The following TUBB1 variants were observed in gnomAD, a reference collection of about 807,000 sequenced individuals.
The protein encoded by TUBB1 is tubulin beta-1 chain.
Under a neutral mutation model 22.6 loss-of-function variants are expected in TUBB1, and 28 were observed. The observed-to-expected ratio is 1.24, with a 90% CI of 0.92 to 1.70. The LOEUF (loss-of-function observed/expected upper bound fraction) is 1.70. TUBB1 is among the 40% of genes most tolerant of loss of function. TUBB1 has a pLI of 0.00. For missense variants in TUBB1, 577 were observed against 605.5 expected (o/e 0.95, Z 0.49); for synonymous variants, 226 against 238.0 (o/e 0.95, Z 0.46).
rs745713786 is a variant in TUBB1, at chr20:59,022,879, A to G, written c.92A>G (p.Asp31Gly). The G allele has an allele frequency of 5.1e-5, 82 of 1,614,004 alleles. No individual in the cohort carries two copies. Among genetic ancestry groups the G allele is most frequent in the Non-Finnish European group, 6.7e-5 (79 of 1,180,026 alleles). Reference sequence around the variant, plus strand: ...ATGATTGGTGAGGAACACGGGATCGACTTGGCTGGGAGCGACCGCGGGGCC... The same window carrying G: ...ATGATTGGTGAGGAACACGGGATCGGCTTGGCTGGGAGCGACCGCGGGGCC... ...WEMIGEEHGI[D>G]LAGSDRGASA... The change falls in exon 2 of 4, where the codon GAC (aspartate) becomes GGC (glycine). Residue 31 changes from aspartate (D) to glycine (G), a missense_variant. Coordinates refer to ENST00000217133, the MANE Select transcript of TUBB1 (RefSeq NM_030773.4).
rs145280665 is a variant in TUBB1 at position 59,019,535 on chromosome 20, G to A, written c.13G>A (p.Val5Ile). 2.2e-4 allele frequency: 348 copies of A among 1,614,196 alleles called. No homozygotes were observed. The African/African-American group carries it at 4.0e-3, about 19-fold the overall frequency. Residue 5 changes from valine (V) to isoleucine (I), a missense_variant, in exon 1 of 4, where the codon GTC becomes ATC. By Grantham distance (29) the Val-to-Ile change is conservative. Transcript: ENST00000217133. MREI[V>I]HIQIGQCGNQ... is the part of the protein sequence containing the mutation. ...GCTCAGAGCAAGGATGCGTGAAATT[G>A]TCCATATTCAGATTGGCCAGTGTGG...
chr20:59,023,437 C>A, intron 2 of TUBB1, 53 bp from the exon 3 acceptor site: 2 of 1,529,192 alleles, frequency 1.3e-6, no homozygotes, highest in Non-Finnish European at 1.8e-6. Flanking sequence ...TTTGATAAAA[C>A]ATTAACTTTT....
Position 59,025,093 on chromosome 20 carries a change from G to A in TUBB1, c.*310G>A, listed in dbSNP as rs1046849864. 5 of 408,924 alleles carry A rather than the reference G, an allele frequency of 1.2e-5. No homozygotes were observed. The highest frequency in any genetic ancestry group is 8.1e-5 in the African/African-American group (4 of 49,166). 25.3% of individuals were successfully genotyped at this position (408,924 alleles called of 1,614,324 possible). A position where few individuals can be genotyped will look rare whatever the true frequency, so the allele number is the denominator to read the frequency against. ...TGTTTGCCAGGCATCCAGACTACAC[G>A]TGTGGATTTGCAGGGAGCCACTGGA... On this transcript the variant is annotated 3_prime_UTR_variant, in exon 4 of 4. Transcript: ENST00000217133.
rs143819330 is a variant in TUBB1 at position 59,023,911 on chromosome 20, C to T, written c.484C>T (p.Arg162Trp). The T allele has an allele frequency of 7.2e-5, 116 of 1,614,056 alleles. No homozygotes were observed. Among genetic ancestry groups the T allele is most frequent in the South Asian group, 1.1e-4 (10 of 91,078 alleles). Residue 162 changes from arginine (R) to tryptophan (W), a missense_variant, in exon 4 of 4, where the codon CGG becomes TGG. Transcript: ENST00000217133. ...MNKIREEYPD[R>W]IMNSFSVMPS... ...CAAGATTAGAGAGGAGTACCCGGAC[C>T]GGATCATGAATTCCTTCAGCGTCAT...
At chr20:59,018,394 C>T (rs528038766), upstream of TUBB1, among the ~76,000 whole-genome samples, 4 of 152,056 alleles carry the variant, frequency 2.6e-5, no homozygotes, top group Non-Finnish European at 5.9e-5. Flanking sequence ...CACTCCTGTA[C>T]ACCGCATGAG....
At position 59,025,100 on chromosome 20, in the gene TUBB1, T is replaced by A; in HGVS notation, c.*317T>A. Reference sequence around the variant, plus strand: ...CAGGCATCCAGACTACACGTGTGGATTTGCAGGGAGCCACTGGAGTTGGTG... The same window carrying A: ...CAGGCATCCAGACTACACGTGTGGAATTGCAGGGAGCCACTGGAGTTGGTG... On this transcript the variant is annotated 3_prime_UTR_variant, in exon 4 of 4. Transcript: ENST00000217133. The A allele has an allele frequency of 2.5e-6, 1 of 399,398 alleles. No homozygotes were observed. Among genetic ancestry groups the A allele is most frequent in the Non-Finnish European group, 4.7e-6 (1 of 211,276 alleles). The allele number at this position is 399,398 out of a possible 1,614,324, so 24.7% of individuals were successfully genotyped here.
chr20:59,024,325 A>G lies in TUBB1; in HGVS notation c.898A>G (p.Met300Val). The G allele has an allele frequency of 6.2e-7, 1 of 1,613,752 alleles. No homozygotes were observed. The highest frequency in any genetic ancestry group is 8.5e-7 in the Non-Finnish European group (1 of 1,179,776). The change falls in exon 4 of 4, where the codon ATG (methionine) becomes GTG (valine). Residue 300 changes from methionine (M) to valine (V), a missense_variant. Physicochemically the swap from Met to Val is conservative, Grantham distance 21. Coordinates refer to ENST00000217133, the MANE Select transcript of TUBB1 (RefSeq NM_030773.4). The surrounding 1 kb of genome is among the most constrained non-coding windows in gnomAD (Gnocchi z 4.9). ...TQQMFDARNT[M>V]AACDLRRGRY... ...GCAGATGTTCGATGCCCGCAATACC[A>G]TGGCTGCCTGTGACCTCCGCCGTGG... is the stretch of plus-strand genomic sequence containing the variant.
In TUBB1 at chr20:59,025,429, C is replaced by A. The variant is rs2091989453; in HGVS notation, c.*646C>A. On this transcript the variant is annotated 3_prime_UTR_variant, in exon 4 of 4. Coordinates refer to ENST00000217133, the MANE Select transcript of TUBB1 (RefSeq NM_030773.4). Reference sequence around the variant, plus strand: ...AGCCACAGTCCTCTCCACAAAAATACCTGGTCCAAACAAGAAAAACAAAAA... The same window carrying A: ...AGCCACAGTCCTCTCCACAAAAATAACTGGTCCAAACAAGAAAAACAAAAA... The A allele has an allele frequency of 6.5e-6, 1 of 153,220 alleles. No homozygotes were observed. The highest frequency in any genetic ancestry group is 2.4e-5 in the African/African-American group (1 of 41,452). 9.5% of individuals were successfully genotyped at this position (153,220 alleles called of 1,614,324 possible).
At chr20:59,023,040 C>CA in intron 2 of TUBB1, 87 bp downstream of exon 2, 3 of 1,234,732 alleles carry the variant, frequency 2.4e-6, no homozygotes, top group Non-Finnish European at 3.5e-6. Flanking sequence ...ATGGAAATGT[C>CA]AAAGCAGTGA....
intron 1 of TUBB1, among the ~76,000 whole-genome samples, chr20:59,020,169 G>A (rs555046216): frequency 6.6e-6 from 1 of 152,138 alleles, no homozygotes; most frequent in Admixed American, 6.5e-5. Flanking sequence ...GTAGGCCACC[G>A]TGCCTGGCAC....
upstream of TUBB1, among the ~76,000 whole-genome samples, chr20:59,016,476 G>C (rs569195618): frequency 4.6e-5 from 7 of 152,352 alleles, no homozygotes; most frequent in South Asian, 1.5e-3. Flanking sequence ...CCCAGGAGAG[G>C]AAGTGTCTCT....
Position 59,019,583 on chromosome 20 carries a change from A to T in TUBB1, c.57+4A>T. The T allele has an allele frequency of 1.9e-6, 3 of 1,614,208 alleles. No individual in the cohort carries two copies. Among genetic ancestry groups the T allele is most frequent in the Non-Finnish European group, 2.5e-6 (3 of 1,180,004 alleles). On this transcript the variant is annotated splice_donor_region_variant and intron_variant, in intron 1 of 3. Coordinates refer to ENST00000217133, the MANE Select transcript of TUBB1 (RefSeq NM_030773.4). ...TGGCAACCAGATCGGAGCCAAGGTA[A>T]GTAATGTCTGGTTACTAATCCTAGC...
At position 59,024,099 on chromosome 20, in the gene TUBB1, T is replaced by A. The variant is rs1432213465; in HGVS notation, c.672T>A (p.Asp224Glu). The change falls in exon 4 of 4, where the codon GAT becomes GAA. Residue 224 changes from aspartate (D) to glutamate (E), a missense_variant. Asp to Glu is a conservative substitution (Grantham distance 45, BLOSUM62 2). Coordinates refer to ENST00000217133, the MANE Select transcript of TUBB1 (RefSeq NM_030773.4). This position sits in a 1 kb window ranked among gnomAD's most constrained non-coding sequence, Gnocchi z 4.9. ...AGCTGACGACACCCACCTATGGGGATCTCAACCACCTAGTGTCCTTGACCA... is the reference window on the plus strand; with the variant it reads ...AGCTGACGACACCCACCTATGGGGAACTCAACCACCTAGTGTCCTTGACCA... ...TLKLTTPTYGDLNHLVSLTMS... is the reference protein window; with the variant it reads ...TLKLTTPTYGELNHLVSLTMS... 6.2e-6 allele frequency: 10 copies of A among 1,614,080 alleles called. No individual in the cohort carries two copies. Among genetic ancestry groups the A allele is most frequent in the Non-Finnish European group, 8.5e-6 (10 of 1,180,044 alleles).
At position 59,026,626 on chromosome 20, in the gene TUBB1, CTAAA is replaced by C. The variant is rs1377724148; in HGVS notation, c.*1849_*1852del. On this transcript the variant is annotated 3_prime_UTR_variant, in exon 4 of 4. Transcript: ENST00000217133. ...AATGGCAAAATTGCTTTATTTCAGACTAAATAAATTCCTTTTCTTGAAGCCTAAC... is the reference window on the plus strand; with the variant it reads ...AATGGCAAAATTGCTTTATTTCAGACTAAATTCCTTTTCTTGAAGCCTAAC... The C allele has an allele frequency of 1.3e-5, 2 of 152,186 alleles. No homozygotes were observed. Among genetic ancestry groups the C allele is most frequent in the Non-Finnish European group, 2.9e-5 (2 of 68,032 alleles). The allele number at this position is 152,186 out of a possible 1,614,324, so 9.4% of individuals were successfully genotyped here.
rs893724490 is a variant in TUBB1 at position 59,025,518 on chromosome 20, T to C, written c.*735T>C. ...ATTTCTGAAGAGCTAGCCTTTAACA[T>C]ATATGTTTATATAGTTTAAATTTCT... On this transcript the variant is annotated 3_prime_UTR_variant, in exon 4 of 4. Coordinates refer to ENST00000217133, the MANE Select transcript of TUBB1 (RefSeq NM_030773.4). The C allele has an allele frequency of 2.0e-5, 3 of 152,358 alleles. No individual in the cohort carries two copies. The highest frequency in any genetic ancestry group is 7.2e-5 in the African/African-American group (3 of 41,466). 9.4% of individuals were successfully genotyped at this position (152,358 alleles called of 1,614,324 possible).
chr20:59,024,425 T>C lies in TUBB1; in HGVS notation c.998T>C (p.Val333Ala). 1 of 1,614,226 alleles carries C rather than the reference T, an allele frequency of 6.2e-7. No individual in the cohort carries two copies. Among genetic ancestry groups the C allele is most frequent in the South Asian group, 1.1e-5 (1 of 91,090 alleles). Residue 333 changes from valine to alanine, a missense_variant, in exon 4 of 4, where the codon GTG becomes GCG. By Grantham distance (64) the Val-to-Ala change is moderately conservative. Transcript: ENST00000217133. The surrounding 1 kb of genome is among the most constrained non-coding windows in gnomAD (Gnocchi z 4.9). Reference sequence around the variant, plus strand: ...GAAGTGGACCAGCAACTGCTCTCCGTGCAGACCAGGAACAGCAGCTGCTTT... The same window carrying C: ...GAAGTGGACCAGCAACTGCTCTCCGCGCAGACCAGGAACAGCAGCTGCTTT... ...TKEVDQQLLSVQTRNSSCFVE... is the reference protein window; with the variant it reads ...TKEVDQQLLSAQTRNSSCFVE...
rs1301218963 is a variant in TUBB1, at chr20:59,024,144, C to T, written c.717C>T (p.Ser239=). The T allele has an allele frequency of 1.2e-6, 2 of 1,614,222 alleles. No homozygotes were observed. Among genetic ancestry groups the T allele is most frequent in the South Asian group, 1.1e-5 (1 of 91,084 alleles). Residue 239 remains serine (S), a synonymous_variant, in exon 4 of 4, where the codon TCC becomes TCT. Transcript: ENST00000217133. The surrounding 1 kb of genome is among the most constrained non-coding windows in gnomAD (Gnocchi z 4.9). ...VSLTMSGITT[S]LRFPGQLNAD... is the part of the protein sequence containing the mutation. ...TGACCATGAGCGGCATAACCACCTC[C>T]CTCCGGTTCCCGGGTCAGCTCAACG...
chr20:59,022,872 G>A lies in TUBB1; in HGVS notation c.85G>A (p.Gly29Arg), dbSNP rs752774040. 4.3e-6 allele frequency: 7 copies of A among 1,613,956 alleles called. No homozygotes were observed. Among genetic ancestry groups the A allele is most frequent in the Middle Eastern group, 1.6e-4 (1 of 6,084 alleles). The change falls in exon 2 of 4, where the codon GGG becomes AGG. Residue 29 changes from glycine to arginine, a missense_variant. Transcript: ENST00000217133. ...CTGGGAGATGATTGGTGAGGAACAC[G>A]GGATCGACTTGGCTGGGAGCGACCG... Reference protein sequence around the residue: ...KFWEMIGEEHGIDLAGSDRGA... With the variant: ...KFWEMIGEEHRIDLAGSDRGA...
Position 59,024,451 on chromosome 20 carries a change from G to A in TUBB1, c.1024G>A (p.Val342Met), listed in dbSNP as rs751979871. The change falls in exon 4 of 4, where the codon GTG (valine) becomes ATG (methionine). Residue 342 changes from valine (V) to methionine (M), a missense_variant. Coordinates refer to ENST00000217133, the MANE Select transcript of TUBB1 (RefSeq NM_030773.4). The surrounding 1 kb of genome is among the most constrained non-coding windows in gnomAD (Gnocchi z 4.9). ...SVQTRNSSCFVEWIPNNVKVA... is the reference protein window; with the variant it reads ...SVQTRNSSCFMEWIPNNVKVA... ...GCAGACCAGGAACAGCAGCTGCTTT[G>A]TGGAGTGGATTCCCAACAACGTCAA... 3.7e-6 allele frequency: 6 copies of A among 1,614,210 alleles called. No homozygotes were observed. The highest frequency in any genetic ancestry group is 5.1e-6 in the Non-Finnish European group (6 of 1,180,036).
Sources: gnomAD v4.1 joint callset for allele counts (sites outside exome capture counted in the v4.1 genomes callset) on GRCh38, gnomAD v4.1.1 for gene constraint, Gnocchi (gnomAD v3.1) non-coding constraint, MANE v1.5 for transcripts, NCBI Gene and HGNC (gene_info 2026-07-23, HGNC 2026-07-21) for gene names.